The following ANKFN1 variants were observed in gnomAD, a reference collection of about 807,000 sequenced individuals.
ANKFN1 encodes ankyrin repeat and fibronectin type III domain containing 1.
A neutral mutation model predicts 108.7 loss-of-function variants in ANKFN1; 74 were observed. The observed-to-expected ratio is 0.68, with a 90% CI of 0.56 to 0.83. The LOEUF (loss-of-function observed/expected upper bound fraction) is 0.83. Among genes scored for constraint, ANKFN1 ranks in the 40% least tolerant of loss-of-function variants. ANKFN1 has a pLI of 0.00. For synonymous variants in ANKFN1, 547 were observed against 516.2 expected, an observed-to-expected ratio of 1.06 and a Z score of -0.81; for missense variants, 1,505 against 1,382.3, an observed-to-expected ratio of 1.09 and a Z score of -1.41.
intron 3 of ANKFN1, among the ~76,000 whole-genome samples, chr17:56,293,656 C>T (rs1423264961): frequency 6.6e-6 from 1 of 152,156 alleles, no homozygotes; most frequent in Non-Finnish European, 1.5e-5. Context: ...CCACGAAGGA[C>T]AGCACAGAAC....
At chr17:56,460,223 G>A (rs760153324) in intron 14 of ANKFN1, among the ~76,000 whole-genome samples, 2 of 152,080 alleles carry the variant, frequency 1.3e-5, no homozygotes, top group Admixed American at 6.5e-5. Context: ...TGGGAGGCTG[G>A]CAGGTGGATC....
intron 3 of ANKFN1, among the ~76,000 whole-genome samples, chr17:56,262,928 A>G (rs1480343089): frequency 2.0e-5 from 3 of 152,170 alleles, no homozygotes; most frequent in African/African-American, 7.2e-5. Context: ...GTCAAGCACC[A>G]TTGTTAAGGT....
chr17:56,134,318 G>A (rs1907465925), intron 4 of ANKFN1, among the ~76,000 whole-genome samples: 1 of 151,996 alleles, frequency 6.6e-6, no homozygotes, highest in Admixed American at 6.6e-5. Flanking sequence ...CACAGTTTAG[G>A]GATATTTATG....
At chr17:56,303,436 C>T (rs957042069) in intron 3 of ANKFN1, among the ~76,000 whole-genome samples, 11 of 152,138 alleles carry the variant, frequency 7.2e-5, no homozygotes, top group African/African-American at 2.7e-4. Flanking sequence ...CTGCTCAACA[C>T]CAAATTGTTG....
intron 3 of ANKFN1, among the ~76,000 whole-genome samples, chr17:56,308,425 T>C (rs968506505): frequency 2.6e-5 from 4 of 152,178 alleles, no homozygotes; most frequent in Non-Finnish European, 5.9e-5. Flanking sequence ...GCTGAACTCA[T>C]TTATTAGTTC....
At chr17:56,155,635 G>A (rs1598151248) in intron 1 of ANKFN1, among the ~76,000 whole-genome samples, 3 of 152,244 alleles carry the variant, frequency 2.0e-5, no homozygotes, top group South Asian at 2.1e-4. Context: ...GAGGACCCCC[G>A]TAAGTATGAG....
intron 14 of ANKFN1, among the ~76,000 whole-genome samples, chr17:56,460,975 C>T (rs2049884936): frequency 6.6e-6 from 1 of 152,196 alleles, no homozygotes; most frequent in African/African-American, 2.4e-5. Context: ...TTTAAGGGCA[C>T]CAGAAACCAG....
At chr17:56,262,366 C>G (rs1169470704) in intron 3 of ANKFN1, among the ~76,000 whole-genome samples, 1 of 152,184 alleles carries the variant, frequency 6.6e-6, no homozygotes, top group African/African-American at 2.4e-5. Flanking sequence ...ACCCAAACAC[C>G]TATTTTATTT....
chr17:56,371,543 G>C (rs773573013), intron 6 of ANKFN1, among the ~76,000 whole-genome samples: 3 of 152,104 alleles, frequency 2.0e-5, no homozygotes, highest in Non-Finnish European at 4.4e-5. Flanking sequence ...ACCCACCAGG[G>C]AGAAATATTG....
chr17:56,176,791 C>T (rs1567819033), intron 1 of ANKFN1, among the ~76,000 whole-genome samples: 1 of 152,168 alleles, frequency 6.6e-6, no homozygotes, highest in African/African-American at 2.4e-5. Context: ...CCAGAAAGAG[C>T]TGAACACTCC....
intron 6 of ANKFN1, among the ~76,000 whole-genome samples, chr17:56,363,150 G>A (rs180926051): frequency 1.8e-3 from 269 of 152,178 alleles, no homozygotes; most frequent in African/African-American, 5.8e-3. Flanking sequence ...CTTGAACACG[G>A]GAGGCACAGG....
intron 4 of ANKFN1, among the ~76,000 whole-genome samples, chr17:56,058,240 T>G (rs1484307700): frequency 3.3e-5 from 5 of 152,330 alleles, no homozygotes; most frequent in South Asian, 2.1e-4. Context: ...CCTCTCTAAC[T>G]ATGAAAGTCC....
At chr17:56,348,470 C>A (rs2046162778) in intron 4 of ANKFN1, among the ~76,000 whole-genome samples, 1 of 152,066 alleles carries the variant, frequency 6.6e-6, no homozygotes, top group African/African-American at 2.4e-5. Flanking sequence ...AGGGAACAGA[C>A]AACCTACAGA....
At chr17:56,421,698 G>A (rs1006283958) in intron 8 of ANKFN1, among the ~76,000 whole-genome samples, 2 of 152,124 alleles carry the variant, frequency 1.3e-5, no homozygotes, top group Admixed American at 6.5e-5. Flanking sequence ...GTCTGTAATC[G>A]ATTAAAATTT....
chr17:56,394,366 C>G (rs1598518893), intron 8 of ANKFN1, among the ~76,000 whole-genome samples: 3 of 152,334 alleles, frequency 2.0e-5, no homozygotes, highest in East Asian at 3.9e-4. Flanking sequence ...ATTCCTCCCT[C>G]TTCCCTGTCA....
At chr17:56,378,516 A>G (rs911606197) in intron 8 of ANKFN1, among the ~76,000 whole-genome samples, 1 of 152,224 alleles carries the variant, frequency 6.6e-6, no homozygotes, top group Non-Finnish European at 1.5e-5. Flanking sequence ...ATTAAAGAAT[A>G]TAATTATTTA....
chr17:56,292,858 T>C (rs1386837689), intron 3 of ANKFN1, among the ~76,000 whole-genome samples: 1 of 152,200 alleles, frequency 6.6e-6, no homozygotes, highest in Non-Finnish European at 1.5e-5. Flanking sequence ...AAAGCAACCA[T>C]AGCCCTACTA....
intron 3 of ANKFN1, among the ~76,000 whole-genome samples, chr17:56,251,024 G>T (rs1200503596): frequency 1.3e-5 from 2 of 151,982 alleles, no homozygotes; most frequent in African/African-American, 4.8e-5. Context: ...TCTTTAACTG[G>T]TTTCCTTTAA....
At chr17:56,129,925 T>A (rs1457490361) in intron 4 of ANKFN1, among the ~76,000 whole-genome samples, 1 of 152,252 alleles carries the variant, frequency 6.6e-6, no homozygotes, top group Non-Finnish European at 1.5e-5. Flanking sequence ...AGATATTTGC[T>A]AATGCATGGT....
Sources: gnomAD v4.1 joint callset for allele counts (sites outside exome capture counted in the v4.1 genomes callset) on GRCh38, gnomAD v4.1.1 for gene constraint, MANE v1.5 for transcripts, NCBI Gene and HGNC (gene_info 2026-07-23, HGNC 2026-07-21) for gene names.